Variants in RPS6KA2 observed in about 807,000 individuals in gnomAD.
RPS6KA2 encodes the protein ribosomal protein S6 kinase A2.
A neutral mutation model predicts 91.8 loss-of-function variants in RPS6KA2; 42 were observed. That is an observed-to-expected ratio of 0.46 (90% CI 0.36 to 0.59). The LOEUF is 0.59. RPS6KA2 is among the 20% of genes least tolerant of loss of function. RPS6KA2 has a pLI of 0.00. For synonymous variants in RPS6KA2, 414 were observed against 393.6 expected (o/e 1.05, Z -0.61); for missense variants, 798 against 978.5 (o/e 0.82, Z 2.46).
At chr6:166,537,039 C>A (rs901959925) in intron 2 of RPS6KA2, among the ~76,000 whole-genome samples, 2 of 152,226 alleles carry the variant, frequency 1.3e-5, no homozygotes, top group Non-Finnish European at 2.9e-5. Context: ...CTTTAATACC[C>A]CAGTTCTGTG....
intron 2 of RPS6KA2, among the ~76,000 whole-genome samples, chr6:166,712,910 C>T (rs898285228): frequency 6.6e-6 from 1 of 152,228 alleles, no homozygotes; most frequent in Non-Finnish European, 1.5e-5. Context: ...TCATGTCTCG[C>T]TCTCTCTCCC....
At chr6:166,721,236 G>A (rs6456109) in intron 2 of RPS6KA2, among the ~76,000 whole-genome samples, 57,926 of 152,150 alleles carry the variant, frequency 0.38, 14,903 homozygotes, top group African/African-American at 0.74. Context: ...GGGGACATCG[G>A]GGGTGCGACT....
chr6:166,587,995 A>AAT (rs1328141182), intron 1 of RPS6KA2, among the ~76,000 whole-genome samples: 1 of 152,200 alleles, frequency 6.6e-6, no homozygotes, highest in Non-Finnish European at 1.5e-5. Flanking sequence ...CTGAATGCAA[A>AAT]ATATGCAGCA....
intron 2 of RPS6KA2, among the ~76,000 whole-genome samples, chr6:166,664,870 C>T (rs982058170): frequency 7.9e-5 from 12 of 152,202 alleles, no homozygotes; most frequent in Middle Eastern, 3.2e-3. Flanking sequence ...AGCCAGCTTT[C>T]GCCTCCTGAA....
At position 166,841,125 on chromosome 6, in the gene RPS6KA2, A is replaced by T. The variant is rs12174101; in HGVS notation, c.123+17075T>A. On this transcript the variant is annotated intron_variant, in intron 2 of 21. Transcript: ENST00000503859. The stretch of plus-strand genomic sequence containing the variant: ...AGCAAACCCTGTCTCTACAAAAAAT[A>T]AAAAAAAAAAAATTAGCCAGGCAGC... Among the ~76,000 whole-genome samples, 6 of 145,558 alleles carry T rather than the reference A, an allele frequency of 4.1e-5. No homozygotes were observed. In the South Asian group the frequency reaches 6.5e-4, roughly 16 times the overall value.
chr6:166,750,838 C>T (rs1370481665), intron 2 of RPS6KA2, among the ~76,000 whole-genome samples: 1 of 152,172 alleles, frequency 6.6e-6, no homozygotes, highest in Non-Finnish European at 1.5e-5. Flanking sequence ...TTCTGTAAAT[C>T]CAAGCTCTGC....
chr6:166,565,083 G>A (rs1011569648), intron 1 of RPS6KA2, among the ~76,000 whole-genome samples: 7 of 152,316 alleles, frequency 4.6e-5, no homozygotes, highest in South Asian at 4.1e-4. Flanking sequence ...AGATGGCTGG[G>A]CTGAAAGTCA....
At chr6:166,701,684 G>C in intron 2 of RPS6KA2, 2 of 1,284,944 alleles carry the variant, frequency 1.6e-6, no homozygotes, top group Admixed American at 3.4e-5. Context: ...GTGGGAGGTG[G>C]CATCCCTGAA....
At chr6:166,677,214 G>A (rs1488568590) in intron 2 of RPS6KA2, among the ~76,000 whole-genome samples, 2 of 152,158 alleles carry the variant, frequency 1.3e-5, no homozygotes, top group East Asian at 3.8e-4. Context: ...GGAACGGAAG[G>A]ACATGGGCAT....
rs1393256010 is a variant in RPS6KA2, at chr6:166,498,604, G to A, written c.651C>T (p.Tyr217=). ...TGTACTCGATCGTCCCGCAGAAGGA[G>A]TACGCTCTCTTGTCGTGGTCAATGG... ...KEAIDHDKRA[Y]SFCGTIEYMA... The change falls in exon 8 of 21, where the codon TAC becomes TAT. Residue 217 remains tyrosine (Y), a synonymous_variant. Transcript: ENST00000265678. 3.7e-6 allele frequency: 6 copies of A among 1,613,884 alleles called. No homozygotes were observed. The highest frequency in any genetic ancestry group is 4.5e-5 in the East Asian group (2 of 44,900).
At position 166,522,713 on chromosome 6, in the gene RPS6KA2, C is replaced by T. The variant is rs1782902286; in HGVS notation, c.298+8519G>A. 2.0e-5 allele frequency among the ~76,000 whole-genome samples: 3 copies of T among 152,186 alleles called. 1 individual carries two copies. In the South Asian group the frequency reaches 6.2e-4, roughly 32 times the overall value. On this transcript the variant is annotated intron_variant, in intron 3 of 20. Coordinates refer to ENST00000265678, the MANE Select transcript of RPS6KA2 (RefSeq NM_021135.6). ...TGCAGAATAAAAGTCCTTCTTCCCA[C>T]AGTATCTTTTAGCTTTCAAAGGTTT...
At chr6:166,729,383 T>C (rs1218930698) in intron 2 of RPS6KA2, among the ~76,000 whole-genome samples, 1 of 152,246 alleles carries the variant, frequency 6.6e-6, no homozygotes, top group African/African-American at 2.4e-5. Context: ...GGTCTCACTC[T>C]GTCACCCAGA....
In RPS6KA2 at chr6:166,504,570, G is replaced by C; in HGVS notation, c.502C>G (p.Leu168Val). The C allele has an allele frequency of 6.2e-7, 1 of 1,613,888 alleles. No homozygotes were observed. Among genetic ancestry groups the C allele is most frequent in the Non-Finnish European group, 8.5e-7 (1 of 1,179,856 alleles). Residue 168 changes from leucine (L) to valine (V), a missense_variant, in exon 6 of 21, where the codon CTG (leucine) becomes GTG (valine). Coordinates refer to ENST00000265678, the MANE Select transcript of RPS6KA2 (RefSeq NM_021135.6). ...TGGAGATGGTCTAAAGCCAAGGCCA[G>C]CTCAGCCAGGTAGAACTTGACATCC... The part of the protein sequence containing the change: ...EEDVKFYLAE[L>V]ALALDHLHSL...
chr6:166,667,523 T>C (rs1032488398), intron 2 of RPS6KA2, among the ~76,000 whole-genome samples: 1 of 152,216 alleles, frequency 6.6e-6, no homozygotes, highest in African/African-American at 2.4e-5. Flanking sequence ...AATGTCGCCA[T>C]AGATGAGATG....
intron 1 of RPS6KA2, among the ~76,000 whole-genome samples, chr6:166,598,601 T>TCACG (rs1785623878): frequency 6.6e-6 from 1 of 152,172 alleles, no homozygotes; most frequent in Non-Finnish European, 1.5e-5. Flanking sequence ...ATGCACTGAG[T>TCACG]CACGGGTGGT....
chr6:166,690,521 C>G (rs1440886536), intron 2 of RPS6KA2, among the ~76,000 whole-genome samples: 3 of 152,216 alleles, frequency 2.0e-5, no homozygotes, highest in Non-Finnish European at 2.9e-5. Context: ...CGGGATTCTT[C>G]AAAGGGAGAA....
Position 166,758,962 on chromosome 6 carries a change from C to T in RPS6KA2, c.123+99238G>A, listed in dbSNP as rs146599528. 2.9e-3 allele frequency among the ~76,000 whole-genome samples: 436 copies of T among 152,322 alleles called. 5 individuals are homozygous for T. The highest frequency in any genetic ancestry group is 0.01 in the African/African-American group (421 of 41,570). Reference sequence around the variant, plus strand: ...TTTCAGGAAATGGGTTCTACCAAAACAACTTTTCACCCATTTCGTGGCTTC... The same window carrying T: ...TTTCAGGAAATGGGTTCTACCAAAATAACTTTTCACCCATTTCGTGGCTTC... On this transcript the variant is annotated intron_variant, in intron 2 of 21. Transcript: ENST00000503859.
chr6:166,733,381 AT>A lies in RPS6KA2; in HGVS notation c.123+124818del, dbSNP rs1790589274. On this transcript the variant is annotated intron_variant, in intron 2 of 21. Coordinates refer to the RPS6KA2 transcript ENST00000503859. The surrounding 1 kb of genome is among the most constrained non-coding windows in gnomAD (Gnocchi z 4.1). The stretch of plus-strand genomic sequence containing the variant: ...TGTCTTGGAACTCATCCTTGAATTA[AT>A]TGGAATGTTCTTTTGCATTGTCGTC... Among the ~76,000 whole-genome samples, 1 of 152,156 alleles carries A rather than the reference AT, an allele frequency of 6.6e-6. No homozygotes were observed. Among genetic ancestry groups the A allele is most frequent in the Admixed American group, 6.5e-5 (1 of 15,280 alleles).
intron 2 of RPS6KA2, among the ~76,000 whole-genome samples, chr6:166,775,784 C>T (rs1398709247): frequency 1.3e-5 from 2 of 152,228 alleles, no homozygotes; most frequent in Non-Finnish European, 2.9e-5. Context: ...ACGATGCTGT[C>T]GACCCACATG....
Sources: gnomAD v4.1 joint callset for allele counts (sites outside exome capture counted in the v4.1 genomes callset) on GRCh38, gnomAD v4.1.1 for gene constraint, Gnocchi (gnomAD v3.1) non-coding constraint, MANE v1.5 for transcripts, NCBI Gene and HGNC (gene_info 2026-07-23, HGNC 2026-07-21) for gene names.